Variants in PAPPA2 observed in about 807,000 individuals in gnomAD.
PAPPA2 encodes pappalysin-2.
Under a neutral mutation model 176.4 loss-of-function variants are expected in PAPPA2, and 86 were observed. The observed-to-expected ratio is 0.49, with a 90% CI of 0.41 to 0.58. The LOEUF is 0.58. Among genes scored for constraint, PAPPA2 ranks in the 20% least tolerant of loss-of-function variants. PAPPA2 has a pLI of 0.00. For synonymous variants in PAPPA2, 809 were observed against 852.2 expected (o/e 0.95, Z 0.88); for missense variants, 2,073 against 2,256.9 (o/e 0.92, Z 1.65).
intron 3 of PAPPA2, among the ~76,000 whole-genome samples, chr1:176,599,509 T>C (rs1654183395): frequency 1.2e-5 from 1 of 86,744 alleles, no homozygotes; most frequent in African/African-American, 5.9e-5. Flanking sequence ...TTTGTTCTAC[T>C]TTTTTTTTTT....
chr1:176,575,982 G>A (rs1652618119), intron 2 of PAPPA2, among the ~76,000 whole-genome samples: 1 of 152,152 alleles, frequency 6.6e-6, no homozygotes, highest in African/African-American at 2.4e-5. Flanking sequence ...TTTTTTAATG[G>A]TAGGGTAGTA....
chr1:176,710,337 T>C (rs560834590), intron 11 of PAPPA2, among the ~76,000 whole-genome samples, 161 bp downstream of exon 11: 4 of 152,262 alleles, frequency 2.6e-5, no homozygotes, highest in Admixed American at 2.6e-4. Context: ...CTATTACAAT[T>C]ACATGATGTT....
chr1:176,740,805 C>A (rs1662645548), intron 14 of PAPPA2, among the ~76,000 whole-genome samples: 1 of 152,088 alleles, frequency 6.6e-6, no homozygotes, highest in African/African-American at 2.4e-5. Flanking sequence ...AGGAGCCTCC[C>A]AAACACAATA....
At chr1:176,839,549 G>A (rs115685294) in intron 21 of PAPPA2, among the ~76,000 whole-genome samples, 2,500 of 152,164 alleles carry the variant, frequency 0.016, 74 homozygotes, top group African/African-American at 0.057. Flanking sequence ...TCCTCAACCC[G>A]AGCACCACTG....
intron 9 of PAPPA2, among the ~76,000 whole-genome samples, chr1:176,704,276 A>G (rs1307415620): frequency 2.0e-5 from 3 of 152,194 alleles, no homozygotes; most frequent in Non-Finnish European, 2.9e-5. Flanking sequence ...ACTTCTGCCT[A>G]TGTTTTCTTC....
At chr1:176,632,322 A>G (rs944137696) in intron 3 of PAPPA2, among the ~76,000 whole-genome samples, 1 of 151,678 alleles carries the variant, frequency 6.6e-6, no homozygotes, top group Non-Finnish European at 1.5e-5. Context: ...TCAACTTTGA[A>G]GTTTTGTGGG....
At chr1:176,574,383 T>C (rs548811160) in intron 2 of PAPPA2, among the ~76,000 whole-genome samples, 3 of 152,352 alleles carry the variant, frequency 2.0e-5, no homozygotes, top group African/African-American at 7.2e-5. Context: ...TTTCTCTATG[T>C]TGCTGGAGAC....
At chr1:176,497,350 G>A (rs1647685767) in intron 1 of PAPPA2, among the ~76,000 whole-genome samples, 2 of 151,858 alleles carry the variant, frequency 1.3e-5, no homozygotes, top group Non-Finnish European at 2.9e-5. Context: ...ATGTTTCTGG[G>A]GACAGCATAT....
intron 3 of PAPPA2, among the ~76,000 whole-genome samples, chr1:176,634,314 A>ATCATTC (rs1656532504): frequency 6.6e-6 from 1 of 151,278 alleles, no homozygotes; most frequent in Non-Finnish European, 1.5e-5. Flanking sequence ...GCTGGAAACC[A>ATCATTC]TCATTCTCAG....
At chr1:176,748,799 G>A (rs942227410) in intron 14 of PAPPA2, among the ~76,000 whole-genome samples, 87 of 152,240 alleles carry the variant, frequency 5.7e-4, no homozygotes, top group African/African-American at 2.0e-3. Flanking sequence ...ATGCTGTACA[G>A]GTTTGTAGCC....
chr1:176,811,597 A>G (rs1666151799), intron 21 of PAPPA2, among the ~76,000 whole-genome samples: 1 of 152,098 alleles, frequency 6.6e-6, no homozygotes. Context: ...CTAAATCTAA[A>G]TATGTGTTAG....
At chr1:176,617,624 T>G (rs1655342294) in intron 3 of PAPPA2, among the ~76,000 whole-genome samples, 1 of 152,038 alleles carries the variant, frequency 6.6e-6, no homozygotes, top group African/African-American at 2.4e-5. Flanking sequence ...TTCTTTTATA[T>G]GGCTGAGTGG....
intron 21 of PAPPA2, among the ~76,000 whole-genome samples, 183 bp from the exon 22 acceptor site, chr1:176,839,990 C>T (rs1667423489): frequency 6.6e-6 from 1 of 152,072 alleles, no homozygotes; most frequent in Non-Finnish European, 1.5e-5. Flanking sequence ...ATTCCTTGGA[C>T]CTAGTGGTCT....
intron 3 of PAPPA2, among the ~76,000 whole-genome samples, chr1:176,597,806 T>C (rs1345923310): frequency 6.6e-6 from 1 of 152,166 alleles, no homozygotes; most frequent in East Asian, 1.9e-4. Context: ...CCCAGATAAA[T>C]GAGAAAGTCT....
rs1055334172 is a variant in PAPPA2, at chr1:176,716,143, T to G, written c.3798+4162T>G. Among the ~76,000 whole-genome samples, 7 of 151,978 alleles carry G rather than the reference T, an allele frequency of 4.6e-5. No individual in the cohort carries two copies. In the South Asian group the frequency reaches 1.2e-3, roughly 27 times the overall value. On this transcript the variant is annotated intron_variant, in intron 12 of 22. Coordinates refer to ENST00000367662, the MANE Select transcript of PAPPA2 (RefSeq NM_020318.3). The stretch of plus-strand genomic sequence containing the variant: ...AATGTTCTCCCAAGTCTTACCTGGT[T>G]CTTACCTCTCCTAGGACTTTTACTG...
At chr1:176,483,563 C>T (rs573835643) in intron 1 of PAPPA2, among the ~76,000 whole-genome samples, 6 of 144,368 alleles carry the variant, frequency 4.2e-5, no homozygotes, top group Admixed American at 1.5e-4. Context: ...CTCCGCTTCC[C>T]GGGTTCAAGC....
chr1:176,682,738 G>T (rs759924956), intron 4 of PAPPA2, among the ~76,000 whole-genome samples: 11 of 151,620 alleles, frequency 7.3e-5, no homozygotes, highest in Non-Finnish European at 1.6e-4. Flanking sequence ...TTGCCTACCA[G>T]TCCACCTACA....
Position 176,760,988 on chromosome 1 carries a change from A to G in PAPPA2, c.4152-4678A>G, listed in dbSNP as rs917423503. Among the ~76,000 whole-genome samples the G allele has an allele frequency of 2.0e-5, 3 of 151,680 alleles. No individual in the cohort carries two copies. The East Asian group carries it at 5.8e-4, about 29-fold the overall frequency. On this transcript the variant is annotated intron_variant, in intron 14 of 22. Transcript: ENST00000367662. ...AGGCGCCTGCCACCATGCCTAGCTA[A>G]TTTTTTGTATTTTTAGTAGAGATGG...
At chr1:176,593,536 G>A (rs990542578) in intron 2 of PAPPA2, among the ~76,000 whole-genome samples, 7 of 152,192 alleles carry the variant, frequency 4.6e-5, no homozygotes, top group South Asian at 2.1e-4. Flanking sequence ...GGAGATGGTG[G>A]GTAAACTGAA....
Sources: gnomAD v4.1 joint callset for allele counts (sites outside exome capture counted in the v4.1 genomes callset) on GRCh38, gnomAD v4.1.1 for gene constraint, MANE v1.5 for transcripts, NCBI Gene and HGNC (gene_info 2026-07-23, HGNC 2026-07-21) for gene names.